The following AOAH variants were observed in gnomAD, a reference collection of about 807,000 sequenced individuals.
AOAH encodes the protein acyloxyacyl hydrolase, also known as acyloxyacyl hydrolase (neutrophil).
In AOAH, 64 loss-of-function variants were observed where a neutral mutation model predicts 92.2. That is an observed-to-expected ratio of 0.69 (90% CI 0.57 to 0.86). The LOEUF (loss-of-function observed/expected upper bound fraction) is 0.86. AOAH is among the 40% of genes least tolerant of loss of function. The probability of loss-of-function intolerance (pLI) is 0.00; values close to 1 mark genes in which losing one functional copy is unlikely to be tolerated. For missense variants in AOAH, 656 were observed against 694.6 expected, an observed-to-expected ratio of 0.94 and a Z score of 0.62; for synonymous variants, 263 against 254.5, an observed-to-expected ratio of 1.03 and a Z score of -0.32.
rs536732786 is a variant in AOAH at position 36,542,959 on chromosome 7, A to G, written c.1134-2468T>C. 1.4e-4 allele frequency among the ~76,000 whole-genome samples: 21 copies of G among 152,304 alleles called. 1 individual carries two copies. In the South Asian group the frequency reaches 4.1e-3, roughly 30 times the overall value. ...TATAGAAAGATGGCTAAAAAGTATTAAAGTATTGTTGACTACAACAATACT... is the reference window on the plus strand; with the variant it reads ...TATAGAAAGATGGCTAAAAAGTATTGAAGTATTGTTGACTACAACAATACT... On this transcript the variant is annotated intron_variant, in intron 15 of 20. Coordinates refer to ENST00000617537, the MANE Select transcript of AOAH (RefSeq NM_001637.4).
At chr7:36,556,015 C>A (rs1786677917) in intron 13 of AOAH, among the ~76,000 whole-genome samples, 1 of 151,956 alleles carries the variant, frequency 6.6e-6, no homozygotes, top group South Asian at 2.1e-4. Context: ...TTATTTCTTG[C>A]CTTCTGCTAG....
intron 3 of AOAH, among the ~76,000 whole-genome samples, chr7:36,673,133 G>A (rs2116651777): frequency 6.6e-6 from 1 of 152,228 alleles, no homozygotes; most frequent in Non-Finnish European, 1.5e-5. Context: ...AGTATTCAAA[G>A]TAACTAAATA....
chr7:36,609,027 T>C (rs1791222969), intron 11 of AOAH, among the ~76,000 whole-genome samples: 1 of 152,026 alleles, frequency 6.6e-6, no homozygotes, highest in African/African-American at 2.4e-5. Flanking sequence ...CAATTGGCAA[T>C]GAGCTCTAGG....
chr7:36,517,322 G>T (rs73097452), intron 20 of AOAH, among the ~76,000 whole-genome samples: 17,900 of 129,226 alleles, frequency 0.14, 1,521 homozygotes, highest in Non-Finnish European at 0.19. Flanking sequence ...ACAGGATTTT[G>T]CTCTGCCACT....
chr7:36,686,863 AAAG>A, intron 1 of AOAH, 69 bp from the exon 2 acceptor site: 3 of 1,029,356 alleles, frequency 2.9e-6, no homozygotes, highest in Non-Finnish European at 4.0e-6. Flanking sequence ...CAGGAGAAAG[AAAG>A]GATGCGTGTG....
At chr7:36,604,374 T>C (rs1419960606) in intron 11 of AOAH, among the ~76,000 whole-genome samples, 2 of 152,238 alleles carry the variant, frequency 1.3e-5, no homozygotes, top group Non-Finnish European at 2.9e-5. Flanking sequence ...AGACTTTACA[T>C]TTTTTGAGGC....
At chr7:36,623,048 A>G (rs558146001) in intron 7 of AOAH, 142 bp downstream of exon 7, 52 of 806,624 alleles carry the variant, frequency 6.4e-5, no homozygotes, top group Middle Eastern at 3.2e-4. Context: ...CTCAAAAAAG[A>G]AAAGAAATTG....
intron 4 of AOAH, among the ~76,000 whole-genome samples, chr7:36,645,650 T>A (rs4509200): frequency 1.3e-5 from 2 of 152,196 alleles, no homozygotes; most frequent in Admixed American, 6.5e-5. Context: ...AATTTTCCAA[T>A]ACTCAAGATG....
rs533266566 is a variant in AOAH, at chr7:36,538,060, TC to T, written c.1306+2258del. On this transcript the variant is annotated intron_variant, in intron 16 of 20. Transcript: ENST00000617537. Reference sequence around the variant, plus strand: ...TTTTGTTTGTTTGTTTGTTTTTCACTCTTGTCACCCAGGCTGGAGTGCAATG... The same window carrying T: ...TTTTGTTTGTTTGTTTGTTTTTCACTTTGTCACCCAGGCTGGAGTGCAATG... 1.3e-3 allele frequency among the ~76,000 whole-genome samples: 193 copies of T among 150,060 alleles called. 1 individual carries two copies. The highest frequency in any genetic ancestry group is 4.5e-3 in the African/African-American group (182 of 40,850).
chr7:36,595,493 C>T (rs1790037774), intron 11 of AOAH, among the ~76,000 whole-genome samples: 1 of 152,148 alleles, frequency 6.6e-6, no homozygotes, highest in South Asian at 2.1e-4. Flanking sequence ...TGATCACACC[C>T]CACTGTACTC....
intron 1 of AOAH, among the ~76,000 whole-genome samples, chr7:36,699,630 A>ATTGTTTTTTTTTT (rs1562709367): frequency 7.2e-6 from 1 of 139,836 alleles, no homozygotes; most frequent in Non-Finnish European, 1.5e-5. Flanking sequence ...TTTAAATTGG[A>ATTGTTTTTTTTTT]TTATTTGTTT....
chr7:36,581,096 C>G (rs1788898887), intron 12 of AOAH, among the ~76,000 whole-genome samples: 8 of 152,138 alleles, frequency 5.3e-5, no homozygotes, highest in Admixed American at 3.9e-4. Context: ...GTCTGAGGAG[C>G]TAACTGCTCT....
intron 13 of AOAH, among the ~76,000 whole-genome samples, chr7:36,571,671 G>A (rs943960369): frequency 6.6e-6 from 1 of 152,058 alleles, no homozygotes; most frequent in Non-Finnish European, 1.5e-5. Context: ...TCCTTGCAGA[G>A]GGAGTCCCTT....
At chr7:36,546,959 T>C (rs562094428) in intron 15 of AOAH, among the ~76,000 whole-genome samples, 1 of 152,310 alleles carries the variant, frequency 6.6e-6, no homozygotes, top group African/African-American at 2.4e-5. Context: ...AGAAAGGAAA[T>C]AAGACAGTGT....
intron 3 of AOAH, among the ~76,000 whole-genome samples, chr7:36,669,274 T>A (rs947569282): frequency 2.0e-5 from 3 of 152,322 alleles, no homozygotes; most frequent in African/African-American, 7.2e-5. Context: ...TTAATACTTT[T>A]ATCTTGTTTC....
chr7:36,554,528 T>C (rs1322694909), intron 13 of AOAH, among the ~76,000 whole-genome samples: 3 of 152,238 alleles, frequency 2.0e-5, no homozygotes, highest in Non-Finnish European at 4.4e-5. Flanking sequence ...AAGAAAGTCA[T>C]TGGTAGCTTG....
intron 1 of AOAH, among the ~76,000 whole-genome samples, chr7:36,707,676 T>A (rs1165018004): frequency 6.6e-6 from 1 of 152,196 alleles, no homozygotes; most frequent in Non-Finnish European, 1.5e-5. Flanking sequence ...TATTACTGTT[T>A]TCCAGTAAGT....
intron 3 of AOAH, 96 bp downstream of exon 3, chr7:36,673,847 G>T: frequency 3.8e-6 from 3 of 792,494 alleles, no homozygotes; most frequent in South Asian, 3.4e-5. Flanking sequence ...TCCAGAAAGC[G>T]CATCATGCTG....
chr7:36,524,227 G>C (rs1266676018), intron 19 of AOAH, among the ~76,000 whole-genome samples: 1 of 151,960 alleles, frequency 6.6e-6, no homozygotes, highest in Admixed American at 6.6e-5. Flanking sequence ...AATCGCAACA[G>C]GGTGTTGCAC....
Sources: gnomAD v4.1 joint callset for allele counts (sites outside exome capture counted in the v4.1 genomes callset) on GRCh38, gnomAD v4.1.1 for gene constraint, MANE v1.5 for transcripts, NCBI Gene and HGNC (gene_info 2026-07-23, HGNC 2026-07-21) for gene names.